Variants in TTC9 observed in about 807,000 individuals in gnomAD.
TTC9 encodes the protein tetratricopeptide repeat domain 9.
TTC9 carries 13 observed loss-of-function variants against 22.9 expected under a neutral mutation model. That is an observed-to-expected ratio of 0.57 (90% CI 0.37 to 0.90). The LOEUF is 0.90. Ranked by LOEUF, TTC9 falls within the 40% of genes least tolerant of loss-of-function variation. The pLI is 0.01. For synonymous variants in TTC9, 148 were observed against 133.2 expected (o/e 1.11, Z -0.77); for missense variants, 280 against 291.8 (o/e 0.96, Z 0.29).
At chr14:70,645,493 A>C (rs1240936212) in intron 1 of TTC9, among the ~76,000 whole-genome samples, 1 of 152,234 alleles carries the variant, frequency 6.6e-6, no homozygotes, top group Non-Finnish European at 1.5e-5. Context: ...TTCACATTTC[A>C]TGAAAATATT....
chr14:70,657,833 G>C (rs920849283), intron 1 of TTC9, among the ~76,000 whole-genome samples: 1 of 152,188 alleles, frequency 6.6e-6, no homozygotes, highest in African/African-American at 2.4e-5. Context: ...AGACCTGGTG[G>C]CAGGCACCTG....
In TTC9 at chr14:70,674,811, T is replaced by A. The variant is rs1255354388; in HGVS notation, c.*3656T>A. 6.6e-6 allele frequency: 1 copy of A among 152,236 alleles called. No individual in the cohort carries two copies. The highest frequency in any genetic ancestry group is 6.5e-5 in the Admixed American group (1 of 15,288). The allele number at this position is 152,236 out of a possible 1,614,324, so 9.4% of individuals were successfully genotyped here. A position where few individuals can be genotyped will look rare whatever the true frequency, so the allele number is the denominator to read the frequency against. ...TCATTGTATGGATGGACCCTTTTTT[T>A]ATCATCAATCCTCAAATAGTGATTA... On this transcript the variant is annotated 3_prime_UTR_variant, in exon 3 of 3. Transcript: ENST00000256367.
At chr14:70,654,587 C>CAAAAAAAAAAAAAAAAAAAAAA (rs61046584) in intron 1 of TTC9, among the ~76,000 whole-genome samples, 10 of 57,158 alleles carry the variant, frequency 1.7e-4, no homozygotes, top group Admixed American at 6.0e-4. Flanking sequence ...GGCTCTGTCT[C>CAAAAAAAAAAAAAAAAAAAAAA]AAAAAAAAAA....
chr14:70,671,030 G>T (rs954278552), intron 2 of TTC9, 46 bp from the exon 3 acceptor site: 10 of 1,563,770 alleles, frequency 6.4e-6, no homozygotes, highest in Non-Finnish European at 7.0e-6. Context: ...AAATGTGATA[G>T]TTGCCCTCAC....
chr14:70,647,891 A>G (rs1406665714), intron 1 of TTC9, among the ~76,000 whole-genome samples: 12 of 152,352 alleles, frequency 7.9e-5, no homozygotes, highest in Non-Finnish European at 1.5e-5. Flanking sequence ...CCAGCCCTCA[A>G]TGGGACACCA....
rs1885904975 is a variant in TTC9 at position 70,646,593 on chromosome 14, A to G, written c.406+4058A>G. 5.9e-5 allele frequency among the ~76,000 whole-genome samples: 9 copies of G among 152,314 alleles called. No homozygotes were observed. The South Asian group carries it at 1.9e-3, about 32-fold the overall frequency. On this transcript the variant is annotated intron_variant, in intron 1 of 2. Transcript: ENST00000256367. ...CAGTAGAGATGGAAATCAACAAACC[A>G]TGGCATTGGACCTGAAGGCTAGGAG...
chr14:70,670,293 G>A (rs185991222), intron 2 of TTC9, among the ~76,000 whole-genome samples: 21 of 152,286 alleles, frequency 1.4e-4, no homozygotes, highest in Middle Eastern at 6.8e-3. Flanking sequence ...CATACCTTGC[G>A]GGATTGTATT....
intron 1 of TTC9, among the ~76,000 whole-genome samples, chr14:70,655,736 CCACAG>C (rs750428838): frequency 2.0e-5 from 3 of 152,158 alleles, no homozygotes; most frequent in Non-Finnish European, 4.4e-5. Flanking sequence ...TTTTCACATT[CCACAG>C]CACCACTACA....
rs1076263 is a variant in TTC9, at chr14:70,672,909, G to T, written c.*1754G>T. The stretch of plus-strand genomic sequence containing the variant: ...CTATGCTATACTTAGTTGCCTCTCT[G>T]TAAGTATAATATTGGGCAATTATAA... On this transcript the variant is annotated 3_prime_UTR_variant, in exon 3 of 3. Transcript: ENST00000256367. The T allele has an allele frequency of 1.3e-5, 2 of 152,006 alleles. No individual in the cohort carries two copies. The highest frequency in any genetic ancestry group is 4.1e-4 in the South Asian group (2 of 4,826). 9.4% of individuals were successfully genotyped at this position (152,006 alleles called of 1,614,324 possible).
At chr14:70,652,088 CTG>C (rs1437583806) in intron 1 of TTC9, among the ~76,000 whole-genome samples, 1 of 152,210 alleles carries the variant, frequency 6.6e-6, no homozygotes, top group Non-Finnish European at 1.5e-5. Context: ...TCTGTAAACA[CTG>C]GGGGTTAGAT....
intron 1 of TTC9, among the ~76,000 whole-genome samples, chr14:70,662,185 C>G (rs898737818): frequency 2.6e-5 from 4 of 152,204 alleles, no homozygotes; most frequent in African/African-American, 9.7e-5. Context: ...GCATCTTCCA[C>G]CCTGTACCTC....
chr14:70,669,722 G>A (rs925571399), intron 2 of TTC9, among the ~76,000 whole-genome samples: 19 of 151,536 alleles, frequency 1.3e-4, no homozygotes, highest in African/African-American at 3.6e-4. Context: ...TACATAAATC[G>A]TGTTCCACCA....
intron 1 of TTC9, among the ~76,000 whole-genome samples, chr14:70,661,608 C>T (rs943317113): frequency 1.3e-5 from 2 of 152,150 alleles, no homozygotes. Flanking sequence ...GGCGTTTTGC[C>T]CTGCATGCAC....
At chr14:70,652,641 G>A (rs1200122228) in intron 1 of TTC9, among the ~76,000 whole-genome samples, 1 of 152,252 alleles carries the variant, frequency 6.6e-6, no homozygotes, top group Non-Finnish European at 1.5e-5. Flanking sequence ...GAGAACAGTT[G>A]CTGGCTAAGT....
At chr14:70,660,297 A>T (rs1485905748) in intron 1 of TTC9, among the ~76,000 whole-genome samples, 2 of 152,220 alleles carry the variant, frequency 1.3e-5, no homozygotes, top group Admixed American at 6.5e-5. Flanking sequence ...TGGCCATCTG[A>T]TACCTGTCTG....
At chr14:70,659,157 C>CACAT (rs1388866862) in intron 1 of TTC9, among the ~76,000 whole-genome samples, 2 of 151,998 alleles carry the variant, frequency 1.3e-5, no homozygotes, top group Non-Finnish European at 2.9e-5. Flanking sequence ...CACACACACA[C>CACAT]ACACATACTG....
intron 1 of TTC9, among the ~76,000 whole-genome samples, chr14:70,660,394 T>C (rs547205326): frequency 6.6e-6 from 1 of 152,380 alleles, no homozygotes; most frequent in South Asian, 2.1e-4. Flanking sequence ...CCACATATTG[T>C]ATATAGGACT....
At chr14:70,662,358 C>T (rs1428200457) in intron 1 of TTC9, among the ~76,000 whole-genome samples, 1 of 151,822 alleles carries the variant, frequency 6.6e-6, no homozygotes, top group African/African-American at 2.4e-5. Flanking sequence ...GAAGGTCTCA[C>T]CCCAGTGCCA....
chr14:70,662,718 C>A (rs1886161789), intron 1 of TTC9, among the ~76,000 whole-genome samples: 1 of 152,188 alleles, frequency 6.6e-6, no homozygotes, highest in Non-Finnish European at 1.5e-5. Flanking sequence ...ATAATGTTGG[C>A]TAGTGGCAAA....
Sources: allele counts gnomAD v4.1 joint callset (sites outside exome capture counted in the v4.1 genomes callset), GRCh38; gene constraint gnomAD v4.1.1; transcripts MANE v1.5; gene names NCBI Gene and HGNC (gene_info 2026-07-23, HGNC 2026-07-21).